Variants in CRLS1 observed in about 807,000 individuals in gnomAD.
The protein encoded by CRLS1 is cardiolipin synthase 1.
A neutral mutation model predicts 37.0 loss-of-function variants in CRLS1; 24 were observed. That is an observed-to-expected ratio of 0.65 (90% confidence interval 0.47 to 0.91). The LOEUF is 0.91. Ranked by LOEUF, CRLS1 falls within the 40% of genes least tolerant of loss-of-function variation. The pLI is 0.00. For synonymous variants in CRLS1, 135 were observed against 159.7 expected, an observed-to-expected ratio of 0.85 and a Z score of 1.17; for missense variants, 373 against 395.8, an observed-to-expected ratio of 0.94 and a Z score of 0.49.
intron 3 of CRLS1, among the ~76,000 whole-genome samples, chr20:6,022,888 T>G (rs1979387069): frequency 6.6e-6 from 1 of 152,210 alleles, no homozygotes; most frequent in Admixed American, 6.5e-5. Flanking sequence ...AGTATACCTA[T>G]GTTAGACGTT....
rs555265045 is a variant in CRLS1, at chr20:6,008,389, G to A, written c.307-1386G>A. ...CTGTTGTGCAAGGTGTCTTAGCTCCGCTGGGCCGAGGCTTTTCAAAGCTGA... is the reference window on the plus strand; with the variant it reads ...CTGTTGTGCAAGGTGTCTTAGCTCCACTGGGCCGAGGCTTTTCAAAGCTGA... On this transcript the variant is annotated intron_variant, in intron 1 of 6. Coordinates refer to ENST00000378863, the MANE Select transcript of CRLS1 (RefSeq NM_019095.6). Among the ~76,000 whole-genome samples, 211 of 152,294 alleles carry A rather than the reference G, an allele frequency of 1.4e-3. 1 individual carries two copies. Among genetic ancestry groups the A allele is most frequent in the African/African-American group, 4.9e-3 (202 of 41,548 alleles).
In CRLS1 at chr20:6,011,606, T is replaced by TG. The variant is rs1391600324; in HGVS notation, c.444+1698dup. Among the ~76,000 whole-genome samples the TG allele has an allele frequency of 8.4e-4, 104 of 124,370 alleles. 6 individuals are homozygous for TG. Among genetic ancestry groups the TG allele is most frequent in the African/African-American group, 3.1e-3 (91 of 29,072 alleles). The allele number at this position is 124,370 out of a possible 152,430, so 81.6% of individuals were successfully genotyped here. On this transcript the variant is annotated intron_variant, in intron 2 of 6. Transcript: ENST00000378863. Reference sequence around the variant, plus strand: ...TTTTTTTTTTTTTTTTTTTTTTTTTTGGGGAGACTGACTCTGTCGCCCAGG... The same window carrying TG: ...TTTTTTTTTTTTTTTTTTTTTTTTTTGGGGGAGACTGACTCTGTCGCCCAGG...
chr20:6,022,805 G>A (rs1979382178), intron 3 of CRLS1, among the ~76,000 whole-genome samples: 1 of 152,176 alleles, frequency 6.6e-6, no homozygotes, highest in Non-Finnish European at 1.5e-5. Flanking sequence ...CTTGAAGTCA[G>A]TGCTAGAAAA....
At chr20:6,035,139 T>C (rs1327282409) in intron 6 of CRLS1, among the ~76,000 whole-genome samples, 2 of 152,270 alleles carry the variant, frequency 1.3e-5, no homozygotes, top group Non-Finnish European at 2.9e-5. Context: ...ATTAAAATTA[T>C]CTTGCTTGGT....
intron 1 of CRLS1, among the ~76,000 whole-genome samples, chr20:6,008,664 A>G (rs532434357): frequency 6.6e-6 from 1 of 152,292 alleles, no homozygotes; most frequent in East Asian, 1.9e-4. Flanking sequence ...CCCTATTCCT[A>G]TCTCCATTTT....
At chr20:6,030,754 C>T (rs1429136885) in intron 3 of CRLS1, among the ~76,000 whole-genome samples, 5 of 152,096 alleles carry the variant, frequency 3.3e-5, no homozygotes, top group Non-Finnish European at 1.5e-5. Context: ...ACTAGTTGCA[C>T]ATAACAGCAA....
intron 3 of CRLS1, among the ~76,000 whole-genome samples, chr20:6,022,622 G>A (rs527244437): frequency 2.6e-5 from 4 of 152,284 alleles, no homozygotes; most frequent in East Asian, 3.9e-4. Flanking sequence ...ACAGGCAAGA[G>A]CCACTGCACC....
At chr20:6,024,978 G>T (rs113562548) in intron 3 of CRLS1, among the ~76,000 whole-genome samples, 4,005 of 152,308 alleles carry the variant, frequency 0.026, 169 homozygotes, top group African/African-American at 0.091. Context: ...GGTTTGTGCA[G>T]TTTAAGGAAA....
intron 6 of CRLS1, among the ~76,000 whole-genome samples, chr20:6,035,145 T>C (rs761177917): frequency 6.6e-5 from 10 of 152,244 alleles, no homozygotes; most frequent in Admixed American, 1.3e-4. Context: ...ATTATCTTGC[T>C]TGGTACAGTC....
In CRLS1 at chr20:6,037,954, A is replaced by G. The variant is rs1980689817; in HGVS notation, c.*796A>G. ...TGGATTCATATTTTATGTAAATAAT[A>G]TCAAGCTGTATATTTTTCAAAGGTT... is the stretch of plus-strand genomic sequence containing the variant. On this transcript the variant is annotated 3_prime_UTR_variant, in exon 7 of 7. Transcript: ENST00000378863. 1 of 152,236 alleles carries G rather than the reference A, an allele frequency of 6.6e-6. No homozygotes were observed. The highest frequency in any genetic ancestry group is 2.4e-5 in the African/African-American group (1 of 41,470). The allele number at this position is 152,236 out of a possible 1,614,324, so 9.4% of individuals were successfully genotyped here. A position where few individuals can be genotyped will look rare whatever the true frequency, so the allele number is the denominator to read the frequency against.
chr20:6,016,738 C>A (rs1377258497), intron 3 of CRLS1, among the ~76,000 whole-genome samples: 1 of 152,048 alleles, frequency 6.6e-6, no homozygotes, highest in Non-Finnish European at 1.5e-5. Context: ...AGGTTGCTTT[C>A]CAAGCTGAGA....
chr20:6,023,525 T>G (rs1346546954), intron 3 of CRLS1: 1 of 152,184 alleles, frequency 6.6e-6, no homozygotes, highest in Non-Finnish European at 1.5e-5. Flanking sequence ...AGAAGGTGGT[T>G]TATCAGAGCC....
intron 5 of CRLS1, among the ~76,000 whole-genome samples, chr20:6,033,403 TG>T (rs1404331349): frequency 3.9e-5 from 6 of 152,216 alleles, no homozygotes; most frequent in African/African-American, 1.4e-4. Context: ...CCCAAAGTGC[TG>T]GGCTTACAGG....
intron 3 of CRLS1, among the ~76,000 whole-genome samples, chr20:6,024,070 C>T (rs930221392): frequency 6.6e-6 from 1 of 151,886 alleles, no homozygotes; most frequent in Non-Finnish European, 1.5e-5. Context: ...CTCTTGCCTG[C>T]GCTTCTTGAG....
chr20:6,031,961 G>A (rs780004602), intron 4 of CRLS1, 51 bp from the exon 5 acceptor site: 1 of 1,342,632 alleles, frequency 7.4e-7, no homozygotes, highest in Non-Finnish European at 1.1e-6. Flanking sequence ...AAATAAAAAT[G>A]TTATTTTAAA....
rs1980798252 is a variant in CRLS1 at position 6,039,266 on chromosome 20, TGTGTGTG to T, written c.*2109_*2115del. 6.3e-5 allele frequency: 1 copy of T among 15,918 alleles called. No homozygotes were observed. The highest frequency in any genetic ancestry group is 7.5e-4 in the African/African-American group (1 of 1,340). The allele number at this position is 15,918 out of a possible 1,614,324, so 1.0% of individuals were successfully genotyped here. Reference sequence around the variant, plus strand: ...ACTGTGCTTTGCAGTTTTGTTTGTGTGTGTGTGTGTGTGTGTGTGTGTGTGTGTGTGT... The same window carrying T: ...ACTGTGCTTTGCAGTTTTGTTTGTGTTGTGTGTGTGTGTGTGTGTGTGTGT... On this transcript the variant is annotated 3_prime_UTR_variant, in exon 7 of 7. Coordinates refer to ENST00000378863, the MANE Select transcript of CRLS1 (RefSeq NM_019095.6).
intron 2 of CRLS1, among the ~76,000 whole-genome samples, chr20:6,012,515 A>G (rs1037333659): frequency 2.6e-5 from 4 of 152,156 alleles, no homozygotes; most frequent in African/African-American, 9.7e-5. Context: ...GGAGTCAAAT[A>G]TGAATACTAG....
intron 3 of CRLS1, chr20:6,023,425 G>T (rs1979427496): frequency 6.6e-6 from 1 of 152,274 alleles, no homozygotes; most frequent in South Asian, 2.1e-4. Context: ...ACCACCAGGT[G>T]ATGAGACAAT....
Position 6,009,825 on chromosome 20 carries a change from C to A in CRLS1, c.357C>A (p.Gly119=), listed in dbSNP as rs374861603. 14 of 1,613,814 alleles carry A rather than the reference C, an allele frequency of 8.7e-6. No homozygotes were observed. The African/African-American group carries it at 1.9e-4, about 22-fold the overall frequency. Residue 119 remains glycine (G), a synonymous_variant, in exon 2 of 7, where the codon GGC becomes GGA. Coordinates refer to ENST00000378863, the MANE Select transcript of CRLS1 (RefSeq NM_019095.6). ...IPNMLSMTRI[G]LAPVLGYLII... ...ATATGTTGTCAATGACGAGAATTGG[C>A]TTGGCCCCAGTTCTGGGCTATTTGA...
Sources: gnomAD v4.1 joint callset for allele counts (sites outside exome capture counted in the v4.1 genomes callset) on GRCh38, gnomAD v4.1.1 for gene constraint, MANE v1.5 for transcripts, NCBI Gene and HGNC (gene_info 2026-07-23, HGNC 2026-07-21) for gene names.